The following LPP variants were observed in gnomAD, a reference collection of about 807,000 sequenced individuals.
LPP encodes LIM domain containing preferred translocation partner in lipoma.
In LPP, 38 loss-of-function variants were observed where a neutral mutation model predicts 60.4. The ratio of observed to expected loss-of-function variants is 0.63; its 90% confidence interval spans 0.49 to 0.83. LPP has a LOEUF of 0.83. Among genes scored for constraint, LPP ranks in the 40% least tolerant of loss-of-function variants. LPP has a pLI of 0.00. For missense variants in LPP, 902 were observed against 783.6 expected (o/e 1.15, Z -1.80); for synonymous variants, 328 against 290.8 (o/e 1.13, Z -1.30).
intron 2 of LPP, among the ~76,000 whole-genome samples, chr3:188,301,017 G>T (rs1749666320): frequency 6.6e-6 from 1 of 152,104 alleles, no homozygotes; most frequent in African/African-American, 2.4e-5. Flanking sequence ...TGTCTGCTCA[G>T]CATCTTATCT....
chr3:188,604,350 C>T (rs1307949352), intron 6 of LPP, among the ~76,000 whole-genome samples: 1 of 152,040 alleles, frequency 6.6e-6, no homozygotes, highest in Non-Finnish European at 1.5e-5. Context: ...TTTTTAAATG[C>T]ATTCGTCTCT....
At position 188,610,212 on chromosome 3, in the gene LPP, C is replaced by T. The variant is rs1469154172; in HGVS notation, c.1113+368C>T. On this transcript the variant is annotated intron_variant, in intron 7 of 11. Transcript: ENST00000617246. The surrounding 1 kb of genome is among the most constrained non-coding windows in gnomAD (Gnocchi z 4.4). ...CTGTTGTGCAGAAACTTCCTCTACA[C>T]CTTGCATTTGCTTGGACATTAAACA... is the stretch of plus-strand genomic sequence containing the variant. 1.3e-5 allele frequency among the ~76,000 whole-genome samples: 2 copies of T among 152,234 alleles called. No individual in the cohort carries two copies. The highest frequency in any genetic ancestry group is 2.9e-5 in the Non-Finnish European group (2 of 68,036).
intron 9 of LPP, among the ~76,000 whole-genome samples, chr3:188,787,409 A>ATC (rs143604281): frequency 0.059 from 8,906 of 152,018 alleles, 338 homozygotes; most frequent in Non-Finnish European, 0.079. Flanking sequence ...ACAACTTTAG[A>ATC]TCTCTCTCTC....
intron 2 of LPP, among the ~76,000 whole-genome samples, chr3:188,281,653 ATAGG>A (rs147243727): frequency 0.02 from 3,039 of 150,518 alleles, 49 homozygotes; most frequent in Non-Finnish European, 0.032. Context: ...GGATGAGGAC[ATAGG>A]TAGGGAAGGG....
At chr3:188,385,955 C>A (rs992824153) in intron 3 of LPP, among the ~76,000 whole-genome samples, 3 of 152,126 alleles carry the variant, frequency 2.0e-5, no homozygotes. Flanking sequence ...GATGATTCTT[C>A]TTTTGTATGT....
intron 4 of LPP, among the ~76,000 whole-genome samples, chr3:188,408,595 T>C (rs181582178): frequency 6.6e-6 from 1 of 152,300 alleles, no homozygotes; most frequent in Admixed American, 6.5e-5. Context: ...TCGCTCCCTT[T>C]CCCGAGTTTC....
At chr3:188,285,341 T>C (rs1300507929) in intron 2 of LPP, among the ~76,000 whole-genome samples, 1 of 152,180 alleles carries the variant, frequency 6.6e-6, no homozygotes, top group African/African-American at 2.4e-5. Flanking sequence ...TCTGATATTA[T>C]GGTAATCCCC....
At chr3:188,266,199 C>A (rs1735470208) in intron 2 of LPP, among the ~76,000 whole-genome samples, 1 of 152,010 alleles carries the variant, frequency 6.6e-6, no homozygotes, top group African/African-American at 2.4e-5. Context: ...AGCAGCACTC[C>A]CCTCCCTAAA....
At chr3:188,756,437 TG>T (rs1730278871) in intron 8 of LPP, among the ~76,000 whole-genome samples, 1 of 152,170 alleles carries the variant, frequency 6.6e-6, no homozygotes. Context: ...CCTTGAAGTT[TG>T]GTACTATTCT....
At chr3:188,369,892 C>A (rs1343762594) in intron 3 of LPP, among the ~76,000 whole-genome samples, 3 of 152,158 alleles carry the variant, frequency 2.0e-5, no homozygotes, top group Non-Finnish European at 4.4e-5. Flanking sequence ...TTTTGTCAGG[C>A]AGTCATTGGC....
chr3:188,374,784 C>T (rs1342181540), intron 3 of LPP, among the ~76,000 whole-genome samples: 1 of 152,086 alleles, frequency 6.6e-6, no homozygotes, highest in Non-Finnish European at 1.5e-5. Context: ...TGTCTTGTGC[C>T]CATTTTCAAA....
At chr3:188,834,880 A>C (rs1170086925) in intron 9 of LPP, among the ~76,000 whole-genome samples, 4 of 152,146 alleles carry the variant, frequency 2.6e-5, no homozygotes, top group Admixed American at 2.0e-4. Flanking sequence ...AATGGTTTGG[A>C]GATGAATGAG....
chr3:188,663,118 CATG>C (rs1481523627), intron 7 of LPP, among the ~76,000 whole-genome samples: 4 of 152,176 alleles, frequency 2.6e-5, no homozygotes, highest in Admixed American at 2.6e-4. Context: ...AACAAACAAA[CATG>C]ATGAACTGTG....
chr3:188,733,289 ACGTGTG>A (rs898427495), intron 8 of LPP, among the ~76,000 whole-genome samples: 2 of 88,552 alleles, frequency 2.3e-5, no homozygotes, highest in Admixed American at 1.4e-4. Context: ...TTCACCAAAA[ACGTGTG>A]TGTGTGTGTG....
intron 2 of LPP, among the ~76,000 whole-genome samples, chr3:188,270,037 A>G (rs935827380): frequency 1.3e-5 from 2 of 151,010 alleles, no homozygotes; most frequent in Admixed American, 1.3e-4. Flanking sequence ...GATTCTATTT[A>G]TTTGAAGTTC....
chr3:188,263,704 C>G (rs574012809), intron 2 of LPP, among the ~76,000 whole-genome samples: 3 of 152,230 alleles, frequency 2.0e-5, no homozygotes, highest in Non-Finnish European at 4.4e-5. Flanking sequence ...TAATCCGTCA[C>G]GTAGAAAGTT....
At chr3:188,564,728 G>A (rs1182425606) in intron 6 of LPP, among the ~76,000 whole-genome samples, 1 of 151,884 alleles carries the variant, frequency 6.6e-6, no homozygotes, top group Non-Finnish European at 1.5e-5. Context: ...AAGCCTCATG[G>A]AGACTTGGAA....
chr3:188,679,486 G>A (rs1043204984), intron 7 of LPP, among the ~76,000 whole-genome samples: 13 of 150,716 alleles, frequency 8.6e-5, no homozygotes, highest in African/African-American at 2.2e-4. Flanking sequence ...CTTTCTCGTC[G>A]TCCTGTCTTA....
At chr3:188,688,146 A>G (rs1345576147) in intron 7 of LPP, among the ~76,000 whole-genome samples, 1 of 152,234 alleles carries the variant, frequency 6.6e-6, no homozygotes, top group Non-Finnish European at 1.5e-5. Flanking sequence ...AATAATCTAT[A>G]TGATGGGCTT....
Sources: allele counts gnomAD v4.1 joint callset (sites outside exome capture counted in the v4.1 genomes callset), GRCh38; gene constraint gnomAD v4.1.1; non-coding constraint Gnocchi (gnomAD v3.1); transcripts MANE v1.5; gene names NCBI Gene and HGNC (gene_info 2026-07-23, HGNC 2026-07-21).